AGBL4: variants seen among roughly 807,000 people sequenced by gnomAD.
AGBL4 encodes the protein cytosolic carboxypeptidase 6.
Under a neutral mutation model 66.4 loss-of-function variants are expected in AGBL4, and 58 were observed. That is an observed-to-expected ratio of 0.87 (90% confidence interval 0.71 to 1.09). The LOEUF (loss-of-function observed/expected upper bound fraction) is 1.09. Among genes scored for constraint, AGBL4 ranks in the 50% least tolerant of loss-of-function variants. The pLI, the probability that AGBL4 is intolerant of heterozygous loss-of-function variation, is 0.00. For synonymous variants in AGBL4, 234 were observed against 222.9 expected (o/e 1.05, Z -0.44); for missense variants, 579 against 631.0 (o/e 0.92, Z 0.88).
At chr1:49,517,690 T>C (rs916859800) in intron 3 of AGBL4, among the ~76,000 whole-genome samples, 3 of 152,030 alleles carry the variant, frequency 2.0e-5, no homozygotes, top group African/African-American at 7.2e-5. Context: ...AAAGTCCACA[T>C]AGAGTTTATC....
rs146940063 is a variant in AGBL4, at chr1:48,615,051, G to A, written c.951+19442C>T. Reference sequence around the variant, plus strand: ...TGGAATTCTGAGGGCTAGAGAATAAGAGGGGAGGGGTAAAAGTCCAATCAG... The same window carrying A: ...TGGAATTCTGAGGGCTAGAGAATAAAAGGGGAGGGGTAAAAGTCCAATCAG... On this transcript the variant is annotated intron_variant, in intron 9 of 13. Transcript: ENST00000371839. Among the ~76,000 whole-genome samples, 495 of 152,300 alleles carry A rather than the reference G, an allele frequency of 3.3e-3. 4 individuals carry two copies. The highest frequency in any genetic ancestry group is 0.011 in the African/African-American group (475 of 41,566).
At chr1:49,662,409 G>A (rs945419950) in intron 3 of AGBL4, among the ~76,000 whole-genome samples, 14 of 151,962 alleles carry the variant, frequency 9.2e-5, no homozygotes, top group East Asian at 7.7e-4. Flanking sequence ...AAAAGAAGGC[G>A]AAGGGAAACA....
At chr1:49,309,544 T>A (rs1383685610) in intron 3 of AGBL4, among the ~76,000 whole-genome samples, 1 of 152,100 alleles carries the variant, frequency 6.6e-6, no homozygotes, top group African/African-American at 2.4e-5. Flanking sequence ...TAGTACAGTT[T>A]TAAGCTTATT....
At chr1:49,779,755 T>C (rs765371192) in intron 2 of AGBL4, among the ~76,000 whole-genome samples, 54 of 152,242 alleles carry the variant, frequency 3.5e-4, no homozygotes, top group Middle Eastern at 3.4e-3. Flanking sequence ...AAAATCCTTA[T>C]AATTGCCTGT....
chr1:49,305,835 C>A (rs1160697574), intron 3 of AGBL4, among the ~76,000 whole-genome samples: 2 of 152,050 alleles, frequency 1.3e-5, no homozygotes, highest in Non-Finnish European at 2.9e-5. Flanking sequence ...GGATTACAGG[C>A]AAGTGCCACC....
At chr1:48,640,032 CCT>C in intron 8 of AGBL4, among the ~76,000 whole-genome samples, 1 of 152,142 alleles carries the variant, frequency 6.6e-6, no homozygotes, top group East Asian at 1.9e-4. Flanking sequence ...GGGTCCCTGC[CCT>C]GAGTCTCTGT....
Position 48,616,182 on chromosome 1 carries a change from A to G in AGBL4, c.951+18311T>C, listed in dbSNP as rs538768578. ...AGCATGCCCTGGCAGCTTGTCAGAAATGCAGATTCTCAGAACCTCACTCCA... is the reference window on the plus strand; with the variant it reads ...AGCATGCCCTGGCAGCTTGTCAGAAGTGCAGATTCTCAGAACCTCACTCCA... On this transcript the variant is annotated intron_variant, in intron 9 of 13. Coordinates refer to ENST00000371839, the MANE Select transcript of AGBL4 (RefSeq NM_032785.4). Among the ~76,000 whole-genome samples, 5 of 152,286 alleles carry G rather than the reference A, an allele frequency of 3.3e-5. No individual in the cohort carries two copies. The South Asian group carries it at 1.0e-3, about 32-fold the overall frequency.
intron 6 of AGBL4, among the ~76,000 whole-genome samples, chr1:48,759,664 T>C (rs951186189): frequency 1.3e-5 from 2 of 152,208 alleles, no homozygotes; most frequent in African/African-American, 4.8e-5. Context: ...GTTCAATATG[T>C]ATTTGTGGAG....
At chr1:48,697,210 C>T (rs900305440) in intron 6 of AGBL4, among the ~76,000 whole-genome samples, 50 of 152,248 alleles carry the variant, frequency 3.3e-4, no homozygotes, top group African/African-American at 1.2e-3. Context: ...TACCACGGCC[C>T]GGGTTCATCT....
intron 1 of AGBL4, among the ~76,000 whole-genome samples, chr1:49,897,979 C>G (rs992210693): frequency 6.6e-6 from 1 of 152,046 alleles, no homozygotes; most frequent in African/African-American, 2.4e-5. Flanking sequence ...GGATTAAACA[C>G]TTAAATCTAA....
At chr1:49,449,246 A>G (rs1313180567) in intron 3 of AGBL4, among the ~76,000 whole-genome samples, 1 of 152,054 alleles carries the variant, frequency 6.6e-6, no homozygotes, top group Non-Finnish European at 1.5e-5. Flanking sequence ...CTTGACTCCA[A>G]AGCTCATTCT....
intron 3 of AGBL4, among the ~76,000 whole-genome samples, chr1:49,525,287 TG>T (rs1156599092): frequency 6.6e-6 from 1 of 151,938 alleles, no homozygotes. Context: ...ATTAAAATAG[TG>T]ATATAATAGG....
intron 5 of AGBL4, among the ~76,000 whole-genome samples, chr1:48,873,240 C>T (rs1216092471): frequency 1.3e-5 from 2 of 152,206 alleles, no homozygotes; most frequent in Non-Finnish European, 2.9e-5. Context: ...TAGCTATGAT[C>T]AACCACTTCT....
At chr1:48,542,201 G>A (rs774897612) in intron 11 of AGBL4, among the ~76,000 whole-genome samples, 4 of 152,074 alleles carry the variant, frequency 2.6e-5, no homozygotes, top group Non-Finnish European at 4.4e-5. Flanking sequence ...ATAATATTCC[G>A]TGGTGCATAT....
intron 6 of AGBL4, among the ~76,000 whole-genome samples, chr1:48,714,654 C>T (rs1200994309): frequency 6.6e-6 from 1 of 152,224 alleles, no homozygotes; most frequent in African/African-American, 2.4e-5. Context: ...ACCAATCTGA[C>T]CATGCCGCTT....
chr1:48,712,575 A>G lies in AGBL4; in HGVS notation c.635-49334T>C, dbSNP rs547961509. ...TGTGCTTTATATATATCAGCTCCTTACCCCCACAGTGTGGTCTGCAGGGTT... is the reference window on the plus strand; with the variant it reads ...TGTGCTTTATATATATCAGCTCCTTGCCCCCACAGTGTGGTCTGCAGGGTT... On this transcript the variant is annotated intron_variant, in intron 6 of 13. Transcript: ENST00000371839. 5.3e-5 allele frequency among the ~76,000 whole-genome samples: 8 copies of G among 152,050 alleles called. No individual in the cohort carries two copies. The South Asian group carries it at 1.5e-3, about 28-fold the overall frequency.
chr1:49,846,157 T>A, intron 2 of AGBL4: 1 of 1,457,200 alleles, frequency 6.9e-7, no homozygotes, highest in Admixed American at 1.7e-5. Context: ...AAAAGCCCTA[T>A]GGGTTCAATA....
chr1:48,752,551 C>T (rs1357351550), intron 6 of AGBL4, among the ~76,000 whole-genome samples: 1 of 152,144 alleles, frequency 6.6e-6, no homozygotes, highest in Non-Finnish European at 1.5e-5. Flanking sequence ...TAGGTGTCAT[C>T]CAGGGTTGAC....
At chr1:49,499,740 T>TATATATATATATATATATATATAC (rs1557998518) in intron 3 of AGBL4, among the ~76,000 whole-genome samples, 3 of 151,050 alleles carry the variant, frequency 2.0e-5, no homozygotes, top group South Asian at 4.2e-4. Context: ...TATATATATA[T>TATATATATATATATATATATATAC]ACACACATAT....
Sources: gnomAD v4.1 joint callset for allele counts (sites outside exome capture counted in the v4.1 genomes callset) on GRCh38, gnomAD v4.1.1 for gene constraint, MANE v1.5 for transcripts, NCBI Gene and HGNC (gene_info 2026-07-23, HGNC 2026-07-21) for gene names.